The following PABPC4L variants were observed in gnomAD, a reference collection of about 807,000 sequenced individuals.
PABPC4L encodes polyadenylate-binding protein 4-like.
For missense variants in PABPC4L, 452 were observed against 451.4 expected, an observed-to-expected ratio of 1.00 and a Z score of -0.01; for synonymous variants, 169 against 164.1, an observed-to-expected ratio of 1.03 and a Z score of -0.23.
the PABPC4L span, among the ~76,000 whole-genome samples, chr4:134,032,389 A>G: frequency 1.3e-5 from 2 of 151,880 alleles, no homozygotes; most frequent in African/African-American, 2.4e-5. Flanking sequence ...GAGAATTGTG[A>G]TGGAAGAAAC....
the PABPC4L span, among the ~76,000 whole-genome samples, chr4:134,007,394 C>T: frequency 6.6e-6 from 1 of 151,408 alleles, no homozygotes; most frequent in African/African-American, 2.4e-5. Flanking sequence ...CCATAAAATA[C>T]CAACCATATT....
At chr4:134,123,311 C>A in the PABPC4L span, among the ~76,000 whole-genome samples, 3 of 151,944 alleles carry the variant, frequency 2.0e-5, no homozygotes, top group South Asian at 2.1e-4. Context: ...TGCTTAGAGA[C>A]AATTTTAAAC....
the PABPC4L span, among the ~76,000 whole-genome samples, chr4:134,143,690 TAG>T: frequency 6.6e-6 from 1 of 151,248 alleles, no homozygotes; most frequent in Non-Finnish European, 1.5e-5. Flanking sequence ...CTAAGCCAAT[TAG>T]AGTTTATAAG....
At chr4:134,034,386 C>T in the PABPC4L span, among the ~76,000 whole-genome samples, 436 of 151,994 alleles carry the variant, frequency 2.9e-3, 4 homozygotes, top group African/African-American at 9.9e-3. Context: ...ACACAACATC[C>T]ATTATACAGC....
At chr4:134,047,420 G>C in the PABPC4L span, among the ~76,000 whole-genome samples, 1 of 151,988 alleles carries the variant, frequency 6.6e-6, no homozygotes, top group Non-Finnish European at 1.5e-5. Flanking sequence ...AATACCATGG[G>C]GTCCTGATCT....
At chr4:134,089,270 T>G in the PABPC4L span, among the ~76,000 whole-genome samples, 1 of 152,252 alleles carries the variant, frequency 6.6e-6, no homozygotes, top group African/African-American at 2.4e-5. Context: ...TATTTATTTT[T>G]AAAGCAATAT....
At chr4:134,100,801 C>A in the PABPC4L span, among the ~76,000 whole-genome samples, 3 of 151,322 alleles carry the variant, frequency 2.0e-5, no homozygotes, top group Non-Finnish European at 4.4e-5. Context: ...GAAAGATATC[C>A]CTTTGCAATT....
chr4:134,017,915 G>T, the PABPC4L span, among the ~76,000 whole-genome samples: 1 of 151,744 alleles, frequency 6.6e-6, no homozygotes, highest in African/African-American at 2.4e-5. Context: ...AATTTTCGCC[G>T]TCCCAACACT....
chr4:134,163,139 T>C, the PABPC4L span, among the ~76,000 whole-genome samples: 1 of 152,028 alleles, frequency 6.6e-6, no homozygotes, highest in African/African-American at 2.4e-5. Context: ...AGAGAGAAGA[T>C]TCAAATAAGC....
the PABPC4L span, among the ~76,000 whole-genome samples, chr4:134,047,511 A>G: frequency 6.6e-6 from 1 of 152,212 alleles, no homozygotes; most frequent in Non-Finnish European, 1.5e-5. Context: ...GAAAATTACT[A>G]TTAAAATATA....
the PABPC4L span, among the ~76,000 whole-genome samples, chr4:134,067,807 G>A: frequency 2.2e-3 from 334 of 152,154 alleles, 1 homozygote; most frequent in African/African-American, 7.6e-3. Flanking sequence ...AGAGCAATTT[G>A]TTTAATTTCC....
the PABPC4L span, among the ~76,000 whole-genome samples, chr4:134,185,613 T>C: frequency 6.6e-6 from 1 of 152,142 alleles, no homozygotes; most frequent in East Asian, 1.9e-4. Context: ...AGCATTCCCT[T>C]TGAAAACAGG....
the PABPC4L span, among the ~76,000 whole-genome samples, chr4:134,026,970 G>C: frequency 6.6e-6 from 1 of 151,474 alleles, no homozygotes; most frequent in Non-Finnish European, 1.5e-5. Flanking sequence ...AGCCTGCAGA[G>C]GGAAAAAAAA....
the PABPC4L span, among the ~76,000 whole-genome samples, chr4:134,010,122 C>A: frequency 6.6e-6 from 1 of 151,958 alleles, no homozygotes; most frequent in Admixed American, 6.6e-5. Flanking sequence ...TATTAAGCTT[C>A]ATTTTATACA....
At chr4:134,157,579 A>G in the PABPC4L span, among the ~76,000 whole-genome samples, 1 of 151,820 alleles carries the variant, frequency 6.6e-6, no homozygotes, top group East Asian at 1.9e-4. Flanking sequence ...CATAAAAATT[A>G]ATGGCTGTTA....
chr4:134,156,152 A>G, the PABPC4L span, among the ~76,000 whole-genome samples: 1 of 151,936 alleles, frequency 6.6e-6, no homozygotes, highest in Non-Finnish European at 1.5e-5. Context: ...TTAGCAGATA[A>G]TTTACATGTT....
the PABPC4L span, among the ~76,000 whole-genome samples, chr4:134,032,264 T>C: frequency 1.3e-5 from 2 of 151,904 alleles, no homozygotes; most frequent in Admixed American, 1.3e-4. Context: ...TCTTCCCCTT[T>C]AAAAAACATA....
chr4:133,964,412 C>T, the PABPC4L span, among the ~76,000 whole-genome samples: 1 of 151,758 alleles, frequency 6.6e-6, no homozygotes, highest in East Asian at 1.9e-4. Context: ...GGTACCAATC[C>T]TATTGACACT....
chr4:134,150,019 A>G, the PABPC4L span, among the ~76,000 whole-genome samples: 1 of 151,788 alleles, frequency 6.6e-6, no homozygotes, highest in Non-Finnish European at 1.5e-5. Flanking sequence ...GTAACTAAGG[A>G]CAGACCATTT....
Sources: gnomAD v4.1 joint callset for allele counts (sites outside exome capture counted in the v4.1 genomes callset) on GRCh38, gnomAD v4.1.1 for gene constraint, MANE v1.5 for transcripts, NCBI Gene and HGNC (gene_info 2026-07-23, HGNC 2026-07-21) for gene names.